SEC22A: variants seen among roughly 807,000 people sequenced by gnomAD.
SEC22A encodes SEC22 homolog A, vesicle trafficking protein.
A neutral mutation model predicts 35.3 loss-of-function variants in SEC22A; 22 were observed. The observed-to-expected ratio is 0.62, with a 90% CI of 0.45 to 0.89. SEC22A has a LOEUF of 0.89. Among genes scored for constraint, SEC22A ranks in the 40% least tolerant of loss-of-function variants. The pLI is 0.00. For synonymous variants in SEC22A, 119 were observed against 129.5 expected (o/e 0.92, Z 0.55); for missense variants, 354 against 362.5 (o/e 0.98, Z 0.19).
Position 123,259,488 on chromosome 3 carries a change from C to A in SEC22A, c.658-36C>A, listed in dbSNP as rs375239390. 1.4e-5 allele frequency: 21 copies of A among 1,511,524 alleles called. No individual in the cohort carries two copies. The East Asian group carries it at 2.9e-4, about 21-fold the overall frequency. The allele number at this position is 1,511,524 out of a possible 1,614,324, so 93.6% of individuals were successfully genotyped here. ...ATTGTTTCTGGAAATGGGCTCCCAC[C>A]GGAAACAAAAATAATCTTTTATTTT... is the stretch of plus-strand genomic sequence containing the variant. On this transcript the variant is annotated intron_variant, in intron 5 of 6. Coordinates refer to ENST00000492595, the MANE Select transcript of SEC22A (RefSeq NM_012430.5).
chr3:123,238,237 C>T (rs975341826), intron 4 of SEC22A, among the ~76,000 whole-genome samples: 2 of 151,896 alleles, frequency 1.3e-5, no homozygotes, highest in African/African-American at 4.8e-5. Flanking sequence ...GCTCTGTCAC[C>T]CAGCAGGCTT....
At chr3:123,247,960 C>T (rs926897278) in intron 5 of SEC22A, among the ~76,000 whole-genome samples, 2 of 152,246 alleles carry the variant, frequency 1.3e-5, no homozygotes, top group Middle Eastern at 3.4e-3. Flanking sequence ...AGAAAAATCG[C>T]GTGATCATAT....
At chr3:123,205,326 C>T in intron 1 of SEC22A, among the ~76,000 whole-genome samples, 1 of 152,128 alleles carries the variant, frequency 6.6e-6, no homozygotes, top group East Asian at 1.9e-4. Context: ...CTCTGACAAC[C>T]TTGTAATAAT....
At chr3:123,264,848 T>C (rs973220220) in intron 6 of SEC22A, among the ~76,000 whole-genome samples, 3 of 152,230 alleles carry the variant, frequency 2.0e-5, no homozygotes, top group Admixed American at 6.5e-5. Context: ...GGTTTCACCA[T>C]GTTGACCAGG....
chr3:123,202,458 T>TA (rs757005048), intron 1 of SEC22A, among the ~76,000 whole-genome samples: 2 of 152,140 alleles, frequency 1.3e-5, no homozygotes, highest in African/African-American at 2.4e-5. Flanking sequence ...ACCAGTGTCT[T>TA]ACTTTACGTT....
At chr3:123,236,062 G>GTGAC (rs1937413840) in intron 4 of SEC22A, among the ~76,000 whole-genome samples, 1 of 152,186 alleles carries the variant, frequency 6.6e-6, no homozygotes, top group African/African-American at 2.4e-5. Context: ...GAAATAGGCA[G>GTGAC]TGACTACTAA....
intron 5 of SEC22A, among the ~76,000 whole-genome samples, chr3:123,249,593 C>A (rs750452093): frequency 1.2e-4 from 19 of 152,032 alleles, no homozygotes; most frequent in Admixed American, 1.2e-3. Context: ...GGCATGGTTT[C>A]GGCTCACTGC....
chr3:123,259,988 C>T (rs566611170), intron 6 of SEC22A, among the ~76,000 whole-genome samples: 4 of 151,824 alleles, frequency 2.6e-5, no homozygotes, highest in East Asian at 1.9e-4. Flanking sequence ...AAAAATTAGC[C>T]GGGCATGGTG....
intron 4 of SEC22A, chr3:123,243,939 A>G (rs1356458406): frequency 3.3e-5 from 5 of 152,224 alleles, no homozygotes; most frequent in African/African-American, 1.2e-4. Context: ...AATAATAACA[A>G]AAGCAAAACA....
At chr3:123,254,861 C>G (rs1937684632) in intron 5 of SEC22A, among the ~76,000 whole-genome samples, 1 of 151,884 alleles carries the variant, frequency 6.6e-6, no homozygotes, top group South Asian at 2.1e-4. Flanking sequence ...TTAGGTATAT[C>G]TCCTAATGCT....
intron 2 of SEC22A, among the ~76,000 whole-genome samples, chr3:123,222,492 G>A (rs1396537129): frequency 6.6e-6 from 1 of 151,774 alleles, no homozygotes; most frequent in African/African-American, 2.4e-5. Flanking sequence ...CACCATGCCC[G>A]GCCTCTTTAG....
chr3:123,269,625 A>ATTTTTTTTTTTTTTTTTTTTTTTTTTT (rs35895285), intron 6 of SEC22A, among the ~76,000 whole-genome samples: 2 of 89,490 alleles, frequency 2.2e-5, no homozygotes, highest in Non-Finnish European at 4.4e-5. Flanking sequence ...AAGGACATGA[A>ATTTTTTTTTTTTTTTTTTTTTTTTTTT]TTTTTTTTTT....
At position 123,209,187 on chromosome 3, in the gene SEC22A, ATTT is replaced by A. The variant is rs1407602083; in HGVS notation, c.-19-10_-19-8del. 1.2e-6 allele frequency: 2 copies of A among 1,609,690 alleles called. No homozygotes were observed. Among genetic ancestry groups the A allele is most frequent in the Admixed American group, 1.7e-5 (1 of 59,980 alleles). ...AATTTTTATGTAACCCAAATTGTTCATTTTGTTTTAGGTCTTCTCTGTTGGTTG... is the reference window on the plus strand; with the variant it reads ...AATTTTTATGTAACCCAAATTGTTCATGTTTTAGGTCTTCTCTGTTGGTTG... On this transcript the variant is annotated splice_polypyrimidine_tract_variant and intron_variant, in intron 1 of 6. Transcript: ENST00000492595.
rs534153424 is a variant in SEC22A at position 123,240,331 on chromosome 3, C to T, written c.542-5568C>T. Among the ~76,000 whole-genome samples, 226 of 152,246 alleles carry T rather than the reference C, an allele frequency of 1.5e-3. 1 individual carries two copies. The South Asian group carries it at 0.017, about 11-fold the overall frequency. ...TCAATTTCCACCATCCTCTAGACAA[C>T]GACTGTTTTTATTTTTTTCCACTTG... On this transcript the variant is annotated intron_variant, in intron 4 of 6. Transcript: ENST00000492595.
At chr3:123,256,738 T>A (rs1342583506) in intron 5 of SEC22A, among the ~76,000 whole-genome samples, 1 of 151,380 alleles carries the variant, frequency 6.6e-6, no homozygotes, top group Admixed American at 6.6e-5. Flanking sequence ...TGGTGTGGAC[T>A]TAACTCTTCT....
intron 4 of SEC22A, among the ~76,000 whole-genome samples, chr3:123,244,287 G>C (rs1417071319): frequency 1.3e-5 from 2 of 152,174 alleles, no homozygotes; most frequent in East Asian, 1.9e-4. Context: ...AAGTGGGTGG[G>C]GGCGGAAGTG....
chr3:123,235,118 C>T (rs1471017707), intron 4 of SEC22A, among the ~76,000 whole-genome samples: 1 of 152,112 alleles, frequency 6.6e-6, no homozygotes, highest in Non-Finnish European at 1.5e-5. Context: ...GTCTCGCACT[C>T]GTCGGCTCAA....
intron 4 of SEC22A, among the ~76,000 whole-genome samples, chr3:123,231,151 A>G (rs528111087): frequency 6.6e-6 from 1 of 152,298 alleles, no homozygotes; most frequent in African/African-American, 2.4e-5. Context: ...CAGAGCCCCA[A>G]AGTACATTAA....
chr3:123,259,948 A>G (rs1040686372), intron 6 of SEC22A, among the ~76,000 whole-genome samples: 1 of 152,106 alleles, frequency 6.6e-6, no homozygotes, highest in East Asian at 1.9e-4. Flanking sequence ...GCTGGCCAAC[A>G]CGGTGAAACC....
Sources: allele counts gnomAD v4.1 joint callset (sites outside exome capture counted in the v4.1 genomes callset), GRCh38; gene constraint gnomAD v4.1.1; transcripts MANE v1.5; gene names NCBI Gene and HGNC (gene_info 2026-07-23, HGNC 2026-07-21).